Variants in NBDY observed in about 807,000 individuals in gnomAD.
NBDY encodes the protein P-body dissociating protein.
intron 2 of NBDY, among the ~76,000 whole-genome samples, chrX:56,739,445 A>G (rs1235056554): frequency 9.4e-6 from 1 of 106,303 alleles, no homozygotes; most frequent in African/African-American, 3.4e-5. Context: ...ATAACAAGAG[A>G]TTTGGGAGTT....
At chrX:56,747,359 A>T (rs990721321) in intron 2 of NBDY, among the ~76,000 whole-genome samples, 1 of 111,996 alleles carries the variant, frequency 8.9e-6, no homozygotes, top group African/African-American at 3.2e-5. Flanking sequence ...GGCCTCCTGT[A>T]TTGATCAATA....
intron 2 of NBDY, among the ~76,000 whole-genome samples, chrX:56,789,197 G>T (rs2069747031): frequency 8.8e-6 from 1 of 112,997 alleles, no homozygotes; most frequent in Non-Finnish European, 1.9e-5. Context: ...CTACAGCAGG[G>T]ATCCCCACCT....
At chrX:56,788,648 C>T (rs1246252226) in intron 2 of NBDY, among the ~76,000 whole-genome samples, 1 of 111,996 alleles carries the variant, frequency 8.9e-6, no homozygotes, top group Non-Finnish European at 1.9e-5. Context: ...AGATAGGGGC[C>T]TTCTGGCCTT....
At chrX:56,757,395 A>G (rs1395227476) in intron 2 of NBDY, among the ~76,000 whole-genome samples, 1 of 112,449 alleles carries the variant, frequency 8.9e-6, no homozygotes, top group Admixed American at 9.4e-5. Flanking sequence ...TTGTGGTTTC[A>G]TAAACAACAA....
rs2069919512 is a variant in NBDY at position 56,818,204 on chromosome X, C to G, written c.*1051C>G. ...AAGCATATATTATATCTGAAAATGTCAGATAAACTTGGCTTATAAATTAAA... is the reference window on the plus strand; with the variant it reads ...AAGCATATATTATATCTGAAAATGTGAGATAAACTTGGCTTATAAATTAAA... On this transcript the variant is annotated 3_prime_UTR_variant, in exon 3 of 3. Coordinates refer to ENST00000374922, the MANE Select transcript of NBDY (RefSeq NM_001348129.2). The G allele has an allele frequency of 9.0e-6, 1 of 111,216 alleles. No homozygotes were observed. Among genetic ancestry groups the G allele is most frequent in the Non-Finnish European group, 1.9e-5 (1 of 52,961 alleles). The allele number at this position is 111,216 out of a possible 1,213,427, so 9.2% of individuals were successfully genotyped here. A position where few individuals can be genotyped will look rare whatever the true frequency, so the allele number is the denominator to read the frequency against.
intron 2 of NBDY, among the ~76,000 whole-genome samples, chrX:56,767,564 C>T (rs767545263): frequency 2.6e-5 from 3 of 113,296 alleles, no homozygotes; most frequent in African/African-American, 9.6e-5. Flanking sequence ...TCGGCATGAG[C>T]TCGGCGGGCC....
chrX:56,802,550 C>G (rs927706095), intron 2 of NBDY, among the ~76,000 whole-genome samples: 1 of 110,133 alleles, frequency 9.1e-6, no homozygotes, highest in African/African-American at 3.3e-5. Context: ...TTGAGCTGTT[C>G]GCTCATTTTG....
At chrX:56,784,267 G>C (rs1602661098) in intron 2 of NBDY, among the ~76,000 whole-genome samples, 1 of 112,012 alleles carries the variant, frequency 8.9e-6, no homozygotes, top group African/African-American at 3.3e-5. Flanking sequence ...AATGCAGTCC[G>C]GTCCAACAGG....
chrX:56,764,219 T>C (rs1013104162), intron 2 of NBDY, among the ~76,000 whole-genome samples: 1 of 112,459 alleles, frequency 8.9e-6, no homozygotes, highest in Non-Finnish European at 1.9e-5. Context: ...CCGAAGCTCC[T>C]TTGTTCCCCG....
intron 2 of NBDY, among the ~76,000 whole-genome samples, chrX:56,767,082 G>A (rs2069669748): frequency 8.8e-6 from 1 of 113,598 alleles, no homozygotes; most frequent in Non-Finnish European, 1.9e-5. Context: ...GCAAAACCTT[G>A]TGTAAGCCAG....
intron 1 of NBDY, among the ~76,000 whole-genome samples, chrX:56,731,513 G>A (rs369402978): frequency 6.2e-4 from 68 of 110,166 alleles, no homozygotes; most frequent in African/African-American, 2.2e-3. Context: ...AGAGATTGCA[G>A]TGAGCCGAGA....
At chrX:56,730,983 G>C (rs2146709788) in intron 1 of NBDY, among the ~76,000 whole-genome samples, 1 of 111,402 alleles carries the variant, frequency 9.0e-6, no homozygotes, top group Non-Finnish European at 1.9e-5. Context: ...TCTGAGAGCT[G>C]TAGGGGATGG....
At chrX:56,813,764 G>A in intron 2 of NBDY, among the ~76,000 whole-genome samples, 1 of 111,468 alleles carries the variant, frequency 9.0e-6, no homozygotes, top group Middle Eastern at 4.6e-3. Flanking sequence ...AATGAATGCA[G>A]GAAGTCTGTT....
At chrX:56,764,841 G>A (rs1015709794) in intron 2 of NBDY, among the ~76,000 whole-genome samples, 29 of 111,881 alleles carry the variant, frequency 2.6e-4, no homozygotes, top group Non-Finnish European at 4.9e-4. Context: ...GAGCAGGGCA[G>A]CTTCCTGGCC....
rs771718400 is a variant in NBDY, at chrX:56,734,635, A to C, written c.*166+2436A>C. Among the ~76,000 whole-genome samples the C allele has an allele frequency of 7.1e-5, 8 of 112,002 alleles. No homozygotes were observed. In the Admixed American group the frequency reaches 7.6e-4, roughly 11 times the overall value. ...TCCATCCTAATCAAAGCTGTCATGC[A>C]GATCCAGTTCCACTCTTCTCATCTC... On this transcript the variant is annotated intron_variant, in intron 2 of 2. Coordinates refer to ENST00000374922, the MANE Select transcript of NBDY (RefSeq NM_001348129.2).
At chrX:56,808,869 T>A (rs893332102) in intron 2 of NBDY, among the ~76,000 whole-genome samples, 28 of 112,800 alleles carry the variant, frequency 2.5e-4, no homozygotes, top group African/African-American at 9.0e-4. Context: ...TGATTTTAGA[T>A]CTCTCCTGCT....
At chrX:56,798,342 G>C (rs1268815014) in intron 2 of NBDY, among the ~76,000 whole-genome samples, 1 of 112,115 alleles carries the variant, frequency 8.9e-6, no homozygotes, top group Admixed American at 9.4e-5. Context: ...ATGGGAATCT[G>C]TGGCAACGTG....
At chrX:56,799,429 T>C (rs1163123545) in intron 2 of NBDY, among the ~76,000 whole-genome samples, 1 of 113,327 alleles carries the variant, frequency 8.8e-6, no homozygotes, top group Admixed American at 9.2e-5. Context: ...CTCCGCCCAC[T>C]GGGCTGACTG....
chrX:56,781,039 C>T (rs2069684462), intron 2 of NBDY, among the ~76,000 whole-genome samples: 1 of 111,149 alleles, frequency 9.0e-6, no homozygotes, highest in Non-Finnish European at 1.9e-5. Flanking sequence ...CTCGGGGCCC[C>T]TCCTTTTGTG....
Sources: gnomAD v4.1 joint callset for allele counts (sites outside exome capture counted in the v4.1 genomes callset) on GRCh38, gnomAD v4.1.1 for gene constraint, MANE v1.5 for transcripts, NCBI Gene and HGNC (gene_info 2026-07-23, HGNC 2026-07-21) for gene names.